JAM2: variants seen among roughly 807,000 people sequenced by gnomAD.
JAM2 encodes junctional adhesion molecule B.
JAM2 carries 17 observed loss-of-function variants against 42.0 expected under a neutral mutation model. The observed-to-expected ratio is 0.40, with a 90% confidence interval of 0.28 to 0.61. The LOEUF is 0.61. Among genes scored for constraint, JAM2 ranks in the 20% least tolerant of loss-of-function variants. The probability of loss-of-function intolerance (pLI) is 0.37; values close to 1 mark genes in which losing one functional copy is unlikely to be tolerated. For synonymous variants in JAM2, 118 were observed against 128.6 expected (o/e 0.92, Z 0.56); for missense variants, 319 against 358.3 (o/e 0.89, Z 0.89).
At chr21:25,706,736 ATTTT>A (rs1395228168) in intron 7 of JAM2, among the ~76,000 whole-genome samples, 4 of 151,984 alleles carry the variant, frequency 2.6e-5, no homozygotes, top group Admixed American at 1.3e-4. Flanking sequence ...TGTTTTTAAG[ATTTT>A]TTTTTGTTTG....
chr21:25,652,739 G>A (rs1321657987), intron 1 of JAM2, among the ~76,000 whole-genome samples: 4 of 152,146 alleles, frequency 2.6e-5, no homozygotes, highest in African/African-American at 9.7e-5. Flanking sequence ...ATTTGGAAAT[G>A]TTCTATTTGA....
chr21:25,662,499 G>C (rs1238436689), intron 1 of JAM2, among the ~76,000 whole-genome samples: 2 of 152,008 alleles, frequency 1.3e-5, no homozygotes, highest in Admixed American at 1.3e-4. Flanking sequence ...TGTCACCCAG[G>C]CTAGAGTGCA....
chr21:25,675,910 T>C (rs1042233459), intron 1 of JAM2, among the ~76,000 whole-genome samples: 3 of 152,214 alleles, frequency 2.0e-5, no homozygotes, highest in African/African-American at 7.2e-5. Context: ...TTTATTTTTA[T>C]GAAACTTATG....
At chr21:25,662,152 A>G (rs1379311379) in intron 1 of JAM2, among the ~76,000 whole-genome samples, 1 of 151,904 alleles carries the variant, frequency 6.6e-6, no homozygotes. Flanking sequence ...TTTTTATTTT[A>G]TTTATATATT....
intron 3 of JAM2, among the ~76,000 whole-genome samples, chr21:25,690,528 A>C (rs2033856650): frequency 6.6e-6 from 1 of 151,908 alleles, no homozygotes; most frequent in African/African-American, 2.4e-5. Context: ...TTTTTTGTAG[A>C]GATGAGGTGA....
chr21:25,704,301 C>G (rs1424706784), intron 6 of JAM2, among the ~76,000 whole-genome samples: 1 of 151,974 alleles, frequency 6.6e-6, no homozygotes, highest in Non-Finnish European at 1.5e-5. Flanking sequence ...TGAGTTTATA[C>G]CAAGCAATAA....
chr21:25,665,028 G>T (rs1033029069), intron 1 of JAM2, among the ~76,000 whole-genome samples: 2 of 152,220 alleles, frequency 1.3e-5, no homozygotes, highest in Non-Finnish European at 2.9e-5. Flanking sequence ...CATCAACATA[G>T]ATTGAAGAGA....
rs77049379 is a variant in JAM2 at position 25,653,359 on chromosome 21, T to C, written c.67+13471T>C. Among the ~76,000 whole-genome samples the C allele has an allele frequency of 1.1e-3, 166 of 152,330 alleles. 2 individuals are homozygous for C. In the East Asian group the frequency reaches 0.028, roughly 26 times the overall value. Reference sequence around the variant, plus strand: ...GGGACACCTGACTCCAGTTTTAAGGTTAGGCAATTTAAGATGAGCCTGGGA... The same window carrying C: ...GGGACACCTGACTCCAGTTTTAAGGCTAGGCAATTTAAGATGAGCCTGGGA... On this transcript the variant is annotated intron_variant, in intron 1 of 9. Coordinates refer to ENST00000480456, the MANE Select transcript of JAM2 (RefSeq NM_021219.4).
At position 25,715,052 on chromosome 21, in the gene JAM2, AG is replaced by A. The variant is rs2034454269; in HGVS notation, c.*385del. 6.3e-6 allele frequency: 1 copy of A among 158,852 alleles called. No individual in the cohort carries two copies. Among genetic ancestry groups the A allele is most frequent in the Non-Finnish European group, 1.4e-5 (1 of 72,786 alleles). 9.8% of individuals were successfully genotyped at this position (158,852 alleles called of 1,614,324 possible). A position where few individuals can be genotyped will look rare whatever the true frequency, so the allele number is the denominator to read the frequency against. ...CAGACTCTGCACGAGAGTCTGATTT[AG>A]GGGGTCCAACAAATACTCTGACAGA... On this transcript the variant is annotated 3_prime_UTR_variant, in exon 10 of 10. Coordinates refer to ENST00000480456, the MANE Select transcript of JAM2 (RefSeq NM_021219.4).
intron 5 of JAM2, among the ~76,000 whole-genome samples, chr21:25,699,671 A>C (rs960167117): frequency 1.9e-3 from 268 of 139,182 alleles, no homozygotes; most frequent in African/African-American, 5.5e-3. Flanking sequence ...TGCAGTGAGC[A>C]GAGATCGCGC....
chr21:25,643,540 A>G (rs1168429795), intron 1 of JAM2: 1 of 152,046 alleles, frequency 6.6e-6, no homozygotes, highest in East Asian at 1.9e-4. Context: ...CCAAAACAGC[A>G]CTCCAGGGAA....
At chr21:25,665,526 T>C (rs1015553276) in intron 1 of JAM2, among the ~76,000 whole-genome samples, 15 of 152,122 alleles carry the variant, frequency 9.9e-5, no homozygotes, top group African/African-American at 3.6e-4. Flanking sequence ...TACATATATG[T>C]ATATAAAGAG....
intron 1 of JAM2, 54 bp downstream of exon 1, chr21:25,639,942 C>T (rs1408762406): frequency 2.0e-5 from 26 of 1,280,928 alleles, no homozygotes; most frequent in African/African-American, 3.0e-5. Flanking sequence ...TGCCCCCACC[C>T]TCCAGCCCCC....
At chr21:25,703,093 C>G (rs954503002) in intron 6 of JAM2, among the ~76,000 whole-genome samples, 10 of 152,188 alleles carry the variant, frequency 6.6e-5, no homozygotes, top group Non-Finnish European at 1.5e-4. Flanking sequence ...CTCAGGTGAT[C>G]CGCCCACCTT....
chr21:25,652,251 G>A (rs966333592), intron 1 of JAM2, among the ~76,000 whole-genome samples: 6 of 152,086 alleles, frequency 3.9e-5, no homozygotes, highest in Admixed American at 3.3e-4. Flanking sequence ...AAAATTAGCT[G>A]GGCATGGTGG....
intron 1 of JAM2, among the ~76,000 whole-genome samples, chr21:25,648,450 T>TTGTG (rs61479815): frequency 0.025 from 3,637 of 148,410 alleles, 104 homozygotes; most frequent in African/African-American, 0.076. Context: ...TGCCGTGTGT[T>TTGTG]TGTGTGTGTG....
chr21:25,650,435 A>T lies in JAM2; in HGVS notation c.67+10547A>T, dbSNP rs191060010. Among the ~76,000 whole-genome samples, 5 of 152,306 alleles carry T rather than the reference A, an allele frequency of 3.3e-5. No homozygotes were observed. The East Asian group carries it at 9.7e-4, about 29-fold the overall frequency. ...TCATTCAGCATTAGGCAAATGCCAA[A>T]ATCAGATACATGTAAGAATCTCAGC... On this transcript the variant is annotated intron_variant, in intron 1 of 9. Coordinates refer to ENST00000480456, the MANE Select transcript of JAM2 (RefSeq NM_021219.4).
chr21:25,693,539 G>T (rs1265666039), intron 3 of JAM2, among the ~76,000 whole-genome samples: 1 of 152,188 alleles, frequency 6.6e-6, no homozygotes, highest in African/African-American at 2.4e-5. Context: ...TTACAGGCGT[G>T]AGCCATCATG....
rs768683814 is a variant in JAM2, at chr21:25,698,811, G to C, written c.529G>C (p.Glu177Gln). 5 of 1,614,180 alleles carry C rather than the reference G, an allele frequency of 3.1e-6. No individual in the cohort carries two copies. The East Asian group carries it at 6.7e-5, about 22-fold the overall frequency. ...GTTTAAGGATGGCATCCGTTTGCTA[G>C]AAAATCCCAGACTTGGCTCCCAAAG... ...TWFKDGIRLL[E>Q]NPRLGSQSTN... is the part of the protein sequence containing the mutation. Residue 177 changes from glutamate (E) to glutamine (Q), a missense_variant, in exon 5 of 10, where the codon GAA (glutamate) becomes CAA (glutamine). Glu to Gln is a conservative substitution (Grantham distance 29, BLOSUM62 2). Transcript: ENST00000480456.
Sources: allele counts gnomAD v4.1 joint callset (sites outside exome capture counted in the v4.1 genomes callset), GRCh38; gene constraint gnomAD v4.1.1; transcripts MANE v1.5; gene names NCBI Gene and HGNC (gene_info 2026-07-23, HGNC 2026-07-21).